NUP210L: variants seen among roughly 807,000 people sequenced by gnomAD.
NUP210L encodes nucleoporin 210 like.
NUP210L carries 74 observed loss-of-function variants against 208.5 expected under a neutral mutation model. The ratio of observed to expected loss-of-function variants is 0.35; its 90% CI spans 0.29 to 0.43. NUP210L has a LOEUF of 0.43. NUP210L is among the 20% of genes least tolerant of loss of function. The probability of loss-of-function intolerance (pLI) is 1.00; values close to 1 mark genes in which losing one functional copy is unlikely to be tolerated. For synonymous variants in NUP210L, 780 were observed against 816.9 expected (o/e 0.95, Z 0.77); for missense variants, 1,843 against 2,289.4 (o/e 0.81, Z 3.98).
At chr1:154,098,314 T>C (rs182899439) in intron 14 of NUP210L, among the ~76,000 whole-genome samples, 3 of 152,262 alleles carry the variant, frequency 2.0e-5, no homozygotes, top group Admixed American at 2.0e-4. Context: ...GAGTCACAGT[T>C]CTCTCCTTCT....
At chr1:153,995,426 G>C (rs1282179639) in intron 37 of NUP210L, among the ~76,000 whole-genome samples, 1 of 152,138 alleles carries the variant, frequency 6.6e-6, no homozygotes, top group Admixed American at 6.6e-5. Context: ...CTTAGTAAGA[G>C]AGAAGAGAGC....
At chr1:154,013,011 A>AAAAT (rs1651023887) in intron 33 of NUP210L, among the ~76,000 whole-genome samples, 1 of 149,860 alleles carries the variant, frequency 6.7e-6, no homozygotes, top group Admixed American at 6.7e-5. Flanking sequence ...TGAATCAAAA[A>AAAAT]AAAAAAAAAA....
At chr1:154,125,144 A>C (rs1343622879) in intron 10 of NUP210L, among the ~76,000 whole-genome samples, 3 of 152,088 alleles carry the variant, frequency 2.0e-5, no homozygotes, top group Admixed American at 6.6e-5. Context: ...TTCTTTACAA[A>C]AAATTTAAAA....
chr1:154,070,623 C>A (rs1654664173), intron 16 of NUP210L, among the ~76,000 whole-genome samples, 158 bp from the exon 17 acceptor site: 2 of 152,044 alleles, frequency 1.3e-5, no homozygotes, highest in South Asian at 4.1e-4. Flanking sequence ...TAATAAATAC[C>A]TATATACATA....
chr1:153,995,987 TGAG>T (rs1344610349), intron 37 of NUP210L: 12 of 391,116 alleles, frequency 3.1e-5, no homozygotes, highest in Middle Eastern at 1.8e-3. Context: ...GTAATAAAAA[TGAG>T]GAGACTTAAA....
At chr1:154,100,028 A>G in exon 14 of NUP210L, 1 of 1,614,186 alleles carries the variant, frequency 6.2e-7, no homozygotes, top group African/African-American at 1.3e-5. Flanking sequence ...CAAATGTAGC[A>G]CTGCTCTCCA....
intron 17 of NUP210L, among the ~76,000 whole-genome samples, chr1:154,064,046 A>C (rs928851057): frequency 6.6e-6 from 1 of 150,484 alleles, no homozygotes; most frequent in Non-Finnish European, 1.5e-5. Context: ...ATGCATAAAT[A>C]TATTAAATAA....
At chr1:154,106,796 T>A (rs922756746) in intron 12 of NUP210L, among the ~76,000 whole-genome samples, 5 of 152,180 alleles carry the variant, frequency 3.3e-5, no homozygotes, top group Admixed American at 6.5e-5. Flanking sequence ...AGTCACAGCT[T>A]TACTGGGCTT....
intron 22 of NUP210L, among the ~76,000 whole-genome samples, chr1:154,057,376 A>G (rs1653923702): frequency 6.6e-6 from 1 of 152,122 alleles, no homozygotes; most frequent in Non-Finnish European, 1.5e-5. Flanking sequence ...AAGAAAATAA[A>G]TTTCCAGAGT....
intron 2 of NUP210L, among the ~76,000 whole-genome samples, chr1:154,149,573 G>A (rs1335658257): frequency 1.3e-5 from 2 of 152,090 alleles, no homozygotes; most frequent in African/African-American, 4.8e-5. Context: ...GCCAGGCCTG[G>A]TGGTGCCCCC....
At chr1:154,027,147 T>C (rs1223476260) in intron 29 of NUP210L, among the ~76,000 whole-genome samples, 2 of 149,424 alleles carry the variant, frequency 1.3e-5, no homozygotes, top group African/African-American at 2.5e-5. Context: ...TATGATTCCA[T>C]TTATATGAAA....
intron 33 of NUP210L, among the ~76,000 whole-genome samples, chr1:154,013,050 G>A (rs1446030678): frequency 2.0e-5 from 3 of 148,122 alleles, no homozygotes; most frequent in African/African-American, 5.0e-5. Flanking sequence ...GGCCAGGCGC[G>A]GTGGCTCAGA....
intron 27 of NUP210L, among the ~76,000 whole-genome samples, chr1:154,033,817 G>A (rs532236899): frequency 2.6e-5 from 4 of 152,132 alleles, no homozygotes; most frequent in Non-Finnish European, 5.9e-5. Flanking sequence ...GGACTGCACT[G>A]AATCTGTAGA....
intron 15 of NUP210L, among the ~76,000 whole-genome samples, chr1:154,093,297 G>A (rs12092754): frequency 1.3e-4 from 19 of 151,972 alleles, no homozygotes; most frequent in African/African-American, 4.6e-4. Flanking sequence ...GTGTGGTGGT[G>A]CATGCCTGTA....
At chr1:154,107,010 T>C (rs1656796485) in intron 12 of NUP210L, among the ~76,000 whole-genome samples, 1 of 152,138 alleles carries the variant, frequency 6.6e-6, no homozygotes, top group Non-Finnish European at 1.5e-5. Context: ...CAGGAAAACA[T>C]GGCCTAAATA....
intron 10 of NUP210L, among the ~76,000 whole-genome samples, chr1:154,119,122 T>C (rs1413054250): frequency 6.6e-6 from 1 of 152,052 alleles, no homozygotes; most frequent in Non-Finnish European, 1.5e-5. Context: ...AGGGAAACCA[T>C]ACTTTCAGAA....
intron 27 of NUP210L, among the ~76,000 whole-genome samples, chr1:154,036,511 CCCA>C (rs57052818): frequency 0.068 from 10,267 of 150,272 alleles, 478 homozygotes; most frequent in East Asian, 0.19. Context: ...ATTACAGGTG[CCCA>C]CCACCGTGCC....
rs914937360 is a variant in NUP210L, at chr1:154,030,060, C to T, written c.3697-6G>A. 1.3e-6 allele frequency: 2 copies of T among 1,564,788 alleles called. No homozygotes were observed. Among genetic ancestry groups the T allele is most frequent in the Non-Finnish European group, 1.7e-6 (2 of 1,163,032 alleles). ...ACTGGGAGCTGTAGAAAAACCTAGA[C>T]AGTGAAGGGATAGATTAAGAAATAT... On this transcript the variant is annotated splice_region_variant and splice_polypyrimidine_tract_variant and intron_variant, in intron 27 of 39. Coordinates refer to ENST00000368559, the Ensembl canonical transcript of NUP210L.
chr1:154,040,259 G>T (rs1270636868), intron 27 of NUP210L, among the ~76,000 whole-genome samples: 1 of 152,080 alleles, frequency 6.6e-6, no homozygotes, highest in African/African-American at 2.4e-5. Context: ...AACTAGAGGA[G>T]CTGGGTGTAG....
Sources: gnomAD v4.1 joint callset for allele counts (sites outside exome capture counted in the v4.1 genomes callset) on GRCh38, gnomAD v4.1.1 for gene constraint, MANE v1.5 for transcripts, NCBI Gene and HGNC (gene_info 2026-07-23, HGNC 2026-07-21) for gene names.